The following SLC6A3 variants were observed in gnomAD, a reference collection of about 807,000 sequenced individuals.
SLC6A3 encodes the protein sodium-dependent dopamine transporter.
A neutral mutation model predicts 70.4 loss-of-function variants in SLC6A3; 19 were observed. That is an observed-to-expected ratio of 0.27 (90% CI 0.19 to 0.40). The LOEUF is 0.40. Ranked by LOEUF, SLC6A3 falls within the 10% of genes least tolerant of loss-of-function variation. The pLI, the probability that SLC6A3 is intolerant of heterozygous loss-of-function variation, is 1.00. For missense variants in SLC6A3, 613 were observed against 838.5 expected, an observed-to-expected ratio of 0.73 and a Z score of 3.32; for synonymous variants, 368 against 356.6, an observed-to-expected ratio of 1.03 and a Z score of -0.36.
intron 14 of SLC6A3, among the ~76,000 whole-genome samples, chr5:1,395,181 A>T (rs1320649046): frequency 6.6e-6 from 1 of 152,046 alleles, no homozygotes; most frequent in Non-Finnish European, 1.5e-5. Context: ...GGGGCCTCAG[A>T]TGCTCCATCT....
At chr5:1,403,672 T>C (rs1755905200) in intron 12 of SLC6A3, among the ~76,000 whole-genome samples, 1 of 151,938 alleles carries the variant, frequency 6.6e-6, no homozygotes, top group Non-Finnish European at 1.5e-5. Context: ...AAGACACAAC[T>C]GTGACCCATG....
Position 1,397,303 on chromosome 5 carries a change from T to C in SLC6A3, c.1840-2545A>G, listed in dbSNP as rs1579697111. ...AAGAAACCAAATTAACGGTGGTGGG[T>C]GCCTGCAGTCCCAGCTACTCGGGAG... On this transcript the variant is annotated intron_variant, in intron 14 of 14. Transcript: ENST00000270349. This position sits in a 1 kb window ranked among gnomAD's most constrained non-coding sequence, Gnocchi z 4.7. Among the ~76,000 whole-genome samples, 2 of 152,180 alleles carry C rather than the reference T, an allele frequency of 1.3e-5. 1 individual carries two copies. The highest frequency in any genetic ancestry group is 4.2e-4 in the South Asian group (2 of 4,814).
At chr5:1,414,513 T>TGG (rs1404913294) in intron 8 of SLC6A3, among the ~76,000 whole-genome samples, 178 bp downstream of exon 8, 1 of 120,552 alleles carries the variant, frequency 8.3e-6, no homozygotes, top group African/African-American at 3.0e-5. Flanking sequence ...AGGCGCTGGG[T>TGG]GGGGGCAGGT....
In SLC6A3 at chr5:1,405,389, G is replaced by C. The variant is rs1755948186; in HGVS notation, c.1599+799C>G. On this transcript the variant is annotated intron_variant, in intron 12 of 14. Coordinates refer to ENST00000270349, the MANE Select transcript of SLC6A3 (RefSeq NM_001044.5). This position sits in a 1 kb window ranked among gnomAD's most constrained non-coding sequence, Gnocchi z 5.3. ...CCTGCTGACTCCGGGACCAGCCCTT[G>C]GTCCATGAGAGGGTGCGGCCTGAGT... Among the ~76,000 whole-genome samples, 1 of 152,330 alleles carries C rather than the reference G, an allele frequency of 6.6e-6. No individual in the cohort carries two copies. Among genetic ancestry groups the C allele is most frequent in the East Asian group, 1.9e-4 (1 of 5,178 alleles).
chr5:1,405,828 C>T lies in SLC6A3; in HGVS notation c.1599+360G>A, dbSNP rs1306777787. ...CACTCGGCATCCTTTGTCCCCACTGCCCCGGAAGCTCTAACTTCGACCTTG... is the reference window on the plus strand; with the variant it reads ...CACTCGGCATCCTTTGTCCCCACTGTCCCGGAAGCTCTAACTTCGACCTTG... On this transcript the variant is annotated intron_variant, in intron 12 of 14. Coordinates refer to ENST00000270349, the MANE Select transcript of SLC6A3 (RefSeq NM_001044.5). This position sits in a 1 kb window ranked among gnomAD's most constrained non-coding sequence, Gnocchi z 5.3. Among the ~76,000 whole-genome samples, 1 of 151,368 alleles carries T rather than the reference C, an allele frequency of 6.6e-6. No homozygotes were observed. The highest frequency in any genetic ancestry group is 1.9e-4 in the East Asian group (1 of 5,196).
At chr5:1,418,665 T>G (rs945882148) in intron 6 of SLC6A3, among the ~76,000 whole-genome samples, 2 of 147,900 alleles carry the variant, frequency 1.4e-5, no homozygotes, top group Non-Finnish European at 3.0e-5. Context: ...TACCTATCAT[T>G]CATCCATCCA....
In SLC6A3 at chr5:1,414,930, G is replaced by A. The variant is rs554643063; in HGVS notation, c.1032-115C>T. On this transcript the variant is annotated intron_variant, in intron 7 of 14. Transcript: ENST00000270349. Reference sequence around the variant, plus strand: ...GGAAGGGGGCGGGAGGTCTTCGGAGGGGCTACTTTTCCCAGTGAGCACGGC... The same window carrying A: ...GGAAGGGGGCGGGAGGTCTTCGGAGAGGCTACTTTTCCCAGTGAGCACGGC... 1.5e-5 allele frequency: 21 copies of A among 1,375,792 alleles called. No homozygotes were observed. In the African/African-American group the frequency reaches 2.0e-4, roughly 13 times the overall value. 85.2% of individuals were successfully genotyped at this position (1,375,792 alleles called of 1,614,324 possible). A position where few individuals can be genotyped will look rare whatever the true frequency, so the allele number is the denominator to read the frequency against.
In SLC6A3 at chr5:1,396,641, G is replaced by A. The variant is rs745801306; in HGVS notation, c.1840-1883C>T. 5.3e-5 allele frequency among the ~76,000 whole-genome samples: 8 copies of A among 150,292 alleles called. No homozygotes were observed. Among genetic ancestry groups the A allele is most frequent in the Non-Finnish European group, 1.2e-4 (8 of 66,856 alleles). On this transcript the variant is annotated intron_variant, in intron 14 of 14. Coordinates refer to ENST00000270349, the MANE Select transcript of SLC6A3 (RefSeq NM_001044.5). This position sits in a 1 kb window ranked among gnomAD's most constrained non-coding sequence, Gnocchi z 7.0. ...CTGAGGGTTCAGACGAGCACATCCC[G>A]CTGTGAATGAGGAGGCTGGGGAGAG...
At chr5:1,400,744 G>A (rs917799130) in intron 14 of SLC6A3, among the ~76,000 whole-genome samples, 171 bp downstream of exon 14, 6 of 152,298 alleles carry the variant, frequency 3.9e-5, no homozygotes, top group South Asian at 2.1e-4. Flanking sequence ...CCGGGCACAC[G>A]TCTCCACTGT....
At chr5:1,418,976 C>A (rs533804171) in intron 6 of SLC6A3, among the ~76,000 whole-genome samples, 2 of 150,610 alleles carry the variant, frequency 1.3e-5, no homozygotes, top group Admixed American at 1.3e-4. Context: ...CAGCTACCTA[C>A]CTATCATTCA....
At position 1,407,613 on chromosome 5, in the gene SLC6A3, G is replaced by A. The variant is rs374317224; in HGVS notation, c.1499-1325C>T. 1.3e-5 allele frequency among the ~76,000 whole-genome samples: 2 copies of A among 152,334 alleles called. 1 individual carries two copies. ...ATAACACAGATCTCGGTCTTCTGAG[G>A]TGCAGGTCGCCAGGGCCGGCTTCTC... is the stretch of plus-strand genomic sequence containing the variant. On this transcript the variant is annotated intron_variant, in intron 11 of 14. Transcript: ENST00000270349.
chr5:1,413,602 AC>A lies in SLC6A3; in HGVS notation c.1156+1088del, dbSNP rs991752814. Among the ~76,000 whole-genome samples, 5 of 151,664 alleles carry A rather than the reference AC, an allele frequency of 3.3e-5. No homozygotes were observed. The highest frequency in any genetic ancestry group is 7.3e-5 in the African/African-American group (3 of 41,242). On this transcript the variant is annotated intron_variant, in intron 8 of 14. Coordinates refer to ENST00000270349, the MANE Select transcript of SLC6A3 (RefSeq NM_001044.5). This position sits in a 1 kb window ranked among gnomAD's most constrained non-coding sequence, Gnocchi z 7.1. ...CTCACAAATGTAGTGCCCCCACCCCACCCCCGGAGAAGACAGTCCAGAGGAA... is the reference window on the plus strand; with the variant it reads ...CTCACAAATGTAGTGCCCCCACCCCACCCCGGAGAAGACAGTCCAGAGGAA...
At chr5:1,422,450 A>ACGCTGCTGGGTGCCCACCGCTGCCCACG (rs1756466521) in intron 4 of SLC6A3, among the ~76,000 whole-genome samples, 2 of 73,978 alleles carry the variant, frequency 2.7e-5, no homozygotes, top group African/African-American at 4.9e-5. Flanking sequence ...CGCTGCCCAC[A>ACGCTGCTGGGTGCCCACCGCTGCCCACG]GTGCTGCCCA....
rs147887799 is a variant in SLC6A3 at position 1,434,430 on chromosome 5, G to A, written c.419-1732C>T. Among the ~76,000 whole-genome samples, 359 of 152,356 alleles carry A rather than the reference G, an allele frequency of 2.4e-3. 2 individuals carry two copies. Among genetic ancestry groups the A allele is most frequent in the African/African-American group, 8.3e-3 (347 of 41,578 alleles). ...TTCCAGGATCACAGACCTGGAATTT[G>A]GGATCCATCATTTATGGGGTCTCCT... On this transcript the variant is annotated intron_variant, in intron 3 of 14. Transcript: ENST00000270349.
chr5:1,420,559 C>T lies in SLC6A3; in HGVS notation c.927+10G>A, dbSNP rs751956697. 18 of 1,612,964 alleles carry T rather than the reference C, an allele frequency of 1.1e-5. No homozygotes were observed. The highest frequency in any genetic ancestry group is 1.5e-5 in the Non-Finnish European group (18 of 1,179,938). ...TGTGGACTGTGAAGCAGTGAGCAGA[C>T]TGTACTCACAGACGCCTCGCAGAGC... On this transcript the variant is annotated intron_variant, in intron 6 of 14. Coordinates refer to ENST00000270349, the MANE Select transcript of SLC6A3 (RefSeq NM_001044.5).
intron 3 of SLC6A3, among the ~76,000 whole-genome samples, chr5:1,439,318 TGGGGTGGGGGTG>T (rs554357206): frequency 1.8e-4 from 3 of 17,134 alleles, no homozygotes; most frequent in East Asian, 4.0e-3. Flanking sequence ...AAGATGTGTG[TGGGGTGGGGGTG>T]GGGGTGGGGG....
chr5:1,403,153 G>C, intron 12 of SLC6A3, 64 bp from the exon 13 acceptor site: 1 of 1,564,604 alleles, frequency 6.4e-7, no homozygotes, highest in South Asian at 1.1e-5. Context: ...AAAGCAGGGA[G>C]CGGGCAGGCA....
chr5:1,414,304 A>T (rs1756201089), intron 8 of SLC6A3, among the ~76,000 whole-genome samples: 2 of 132,552 alleles, frequency 1.5e-5, no homozygotes, highest in Non-Finnish European at 3.2e-5. Flanking sequence ...CGAGGGACTG[A>T]GGCACCAACT....
At chr5:1,414,607 C>G (rs1341749191) in intron 8 of SLC6A3, 84 bp downstream of exon 8, 2 of 1,523,522 alleles carry the variant, frequency 1.3e-6, no homozygotes, top group Non-Finnish European at 1.8e-6. Context: ...CGTCTCCTTC[C>G]TCTTTCACAA....
Sources: gnomAD v4.1 joint callset for allele counts (sites outside exome capture counted in the v4.1 genomes callset) on GRCh38, gnomAD v4.1.1 for gene constraint, Gnocchi (gnomAD v3.1) non-coding constraint, MANE v1.5 for transcripts, NCBI Gene and HGNC (gene_info 2026-07-23, HGNC 2026-07-21) for gene names.